ANKS1B: variants seen among roughly 807,000 people sequenced by gnomAD.
ANKS1B encodes the protein ankyrin repeat and sterile alpha motif domain containing 1B, also known as ankyrin repeat and sterile alpha motif domain-containing protein 1B.
Under a neutral mutation model 148.3 loss-of-function variants are expected in ANKS1B, and 36 were observed. That is an observed-to-expected ratio of 0.24 (90% CI 0.19 to 0.32). The LOEUF is 0.32. Ranked by LOEUF, ANKS1B falls within the 10% of genes least tolerant of loss-of-function variation. The pLI is 1.00. For synonymous variants in ANKS1B, 542 were observed against 560.8 expected (o/e 0.97, Z 0.47); for missense variants, 1,157 against 1,542.6 (o/e 0.75, Z 4.19).
rs567495171 is a variant in ANKS1B at position 99,218,548 on chromosome 12, C to T, written c.2419+25794G>A. On this transcript the variant is annotated intron_variant, in intron 14 of 26. Coordinates refer to ENST00000683438, the MANE Select transcript of ANKS1B (RefSeq NM_001352186.2). ...TATCACCTCCTGAACAATTCCTAAA[C>T]AGAAAATACTGTCCCCAACCCCCTG... is the stretch of plus-strand genomic sequence containing the variant. Among the ~76,000 whole-genome samples the T allele has an allele frequency of 2.0e-5, 3 of 152,154 alleles. No individual in the cohort carries two copies. The South Asian group carries it at 6.2e-4, about 32-fold the overall frequency.
chr12:99,043,728 C>A (rs2099960548), intron 17 of ANKS1B, among the ~76,000 whole-genome samples: 1 of 152,212 alleles, frequency 6.6e-6, no homozygotes, highest in Admixed American at 6.5e-5. Flanking sequence ...GCTATAAAAT[C>A]ACCTAACTCA....
At chr12:99,383,782 G>A (rs7315074) in intron 12 of ANKS1B, among the ~76,000 whole-genome samples, 60,428 of 148,496 alleles carry the variant, frequency 0.41, 13,415 homozygotes, top group African/African-American at 0.59. Flanking sequence ...GGAGGCTGAG[G>A]CAAGTAAATC....
intron 17 of ANKS1B, among the ~76,000 whole-genome samples, chr12:98,930,110 T>A (rs2099812428): frequency 6.6e-6 from 1 of 152,088 alleles, no homozygotes; most frequent in Non-Finnish European, 1.5e-5. Context: ...GTGACCCAAT[T>A]TTAAAATGGG....
intron 1 of ANKS1B, among the ~76,000 whole-genome samples, chr12:99,957,301 C>T (rs2095339397): frequency 6.6e-6 from 1 of 152,182 alleles, no homozygotes; most frequent in Non-Finnish European, 1.5e-5. Context: ...CCTTCCACCA[C>T]AACTTTTTCT....
Position 99,780,010 on chromosome 12 carries a change from T to C in ANKS1B, c.746-38A>G, listed in dbSNP as rs1308221715. 4 of 1,341,200 alleles carry C rather than the reference T, an allele frequency of 3.0e-6. No homozygotes were observed. The East Asian group carries it at 9.2e-5, about 31-fold the overall frequency. 83.1% of individuals were successfully genotyped at this position (1,341,200 alleles called of 1,614,324 possible). Reference sequence around the variant, plus strand: ...GAAAAACTCACTAGATATACACCACTGAAGTATCCTCAAAAGATACTATCA... The same window carrying C: ...GAAAAACTCACTAGATATACACCACCGAAGTATCCTCAAAAGATACTATCA... On this transcript the variant is annotated intron_variant, in intron 5 of 26. Coordinates refer to ENST00000683438, the MANE Select transcript of ANKS1B (RefSeq NM_001352186.2).
At chr12:99,588,226 G>A (rs1171305442) in intron 9 of ANKS1B, among the ~76,000 whole-genome samples, 1 of 151,838 alleles carries the variant, frequency 6.6e-6, no homozygotes, top group African/African-American at 2.4e-5. Flanking sequence ...AACACTCTTA[G>A]AATTAATAAA....
intron 1 of ANKS1B, among the ~76,000 whole-genome samples, chr12:99,929,556 A>T (rs1056374441): frequency 6.6e-6 from 1 of 152,110 alleles, no homozygotes; most frequent in African/African-American, 2.4e-5. Context: ...GGTGTTTTAG[A>T]CATGAAGTCC....
At chr12:99,369,406 G>A (rs1262528771) in intron 12 of ANKS1B, among the ~76,000 whole-genome samples, 4 of 152,118 alleles carry the variant, frequency 2.6e-5, no homozygotes, top group African/African-American at 9.7e-5. Context: ...AAAAATAAAT[G>A]TTGGTGGACT....
chr12:99,211,636 G>T (rs542139204), intron 14 of ANKS1B, among the ~76,000 whole-genome samples: 1 of 152,200 alleles, frequency 6.6e-6, no homozygotes, highest in South Asian at 2.1e-4. Context: ...GGAAGGACCC[G>T]CTCCAGTTCT....
chr12:98,900,140 C>A (rs753842128), intron 17 of ANKS1B, among the ~76,000 whole-genome samples: 4 of 152,180 alleles, frequency 2.6e-5, no homozygotes, highest in Non-Finnish European at 5.9e-5. Context: ...AGATGTAGCA[C>A]CTGAAACTAG....
At chr12:99,777,099 C>T (rs936965294) in intron 6 of ANKS1B, among the ~76,000 whole-genome samples, 2 of 152,220 alleles carry the variant, frequency 1.3e-5, no homozygotes, top group African/African-American at 4.8e-5. Context: ...GTTCAGCCCA[C>T]AAGTGGCTAG....
chr12:98,758,941 A>AT (rs35016362), intron 25 of ANKS1B, among the ~76,000 whole-genome samples: 15,017 of 135,826 alleles, frequency 0.11, 924 homozygotes, highest in Non-Finnish European at 0.15. Context: ...CGCCTGGCTA[A>AT]TTTTTTTTTT....
At chr12:99,745,358 C>T (rs1413231213) in intron 8 of ANKS1B, among the ~76,000 whole-genome samples, 1 of 152,142 alleles carries the variant, frequency 6.6e-6, no homozygotes, top group African/African-American at 2.4e-5. Context: ...GTCTCAAGCT[C>T]ATCTTCATCA....
At chr12:99,696,866 C>G (rs2054008298) in intron 8 of ANKS1B, among the ~76,000 whole-genome samples, 2 of 152,076 alleles carry the variant, frequency 1.3e-5, no homozygotes, top group South Asian at 4.1e-4. Context: ...ATACAAAGAA[C>G]ACTTAAAATA....
intron 9 of ANKS1B, among the ~76,000 whole-genome samples, chr12:99,600,346 C>T (rs144776047): frequency 2.9e-4 from 44 of 152,000 alleles, no homozygotes; most frequent in African/African-American, 1.0e-3. Flanking sequence ...CTTTTTCATC[C>T]CGTGACTACT....
chr12:99,963,544 C>T (rs1445136651), intron 1 of ANKS1B, among the ~76,000 whole-genome samples: 1 of 152,132 alleles, frequency 6.6e-6, no homozygotes, highest in Non-Finnish European at 1.5e-5. Flanking sequence ...AATATAACTG[C>T]AATGAATTAT....
intron 24 of ANKS1B, 54 bp downstream of exon 24, chr12:98,781,063 C>A: frequency 1.8e-6 from 2 of 1,127,936 alleles, no homozygotes; most frequent in South Asian, 1.4e-5. Context: ...GATTTTAGAT[C>A]ATACACTCAG....
chr12:99,816,351 T>C (rs967817015), intron 2 of ANKS1B, among the ~76,000 whole-genome samples: 1 of 151,898 alleles, frequency 6.6e-6, no homozygotes, highest in African/African-American at 2.4e-5. Flanking sequence ...GTTTTTTTTC[T>C]TGCTTATTTG....
At chr12:99,259,662 A>G (rs1239247757) in intron 12 of ANKS1B, among the ~76,000 whole-genome samples, 1 of 152,152 alleles carries the variant, frequency 6.6e-6, no homozygotes, top group African/African-American at 2.4e-5. Context: ...CTGTATTACT[A>G]AATTATTGTA....
Sources: allele counts gnomAD v4.1 joint callset (sites outside exome capture counted in the v4.1 genomes callset), GRCh38; gene constraint gnomAD v4.1.1; transcripts MANE v1.5; gene names NCBI Gene and HGNC (gene_info 2026-07-23, HGNC 2026-07-21).